The following HIPK2 variants were observed in gnomAD, a reference collection of about 807,000 sequenced individuals.
HIPK2 encodes the protein homeodomain interacting protein kinase 2, also known as homeodomain-interacting protein kinase 2.
In HIPK2, 27 loss-of-function variants were observed where a neutral mutation model predicts 113.7. That is an observed-to-expected ratio of 0.24 (90% CI 0.17 to 0.33). HIPK2 has a LOEUF of 0.33. Among genes scored for constraint, HIPK2 ranks in the 10% least tolerant of loss-of-function variants. The pLI is 1.00. For missense variants in HIPK2, 1,257 were observed against 1,588.0 expected (o/e 0.79, Z 3.54); for synonymous variants, 631 against 642.2 (o/e 0.98, Z 0.26).
chr7:139,593,582 G>C (rs926007452), intron 12 of HIPK2, among the ~76,000 whole-genome samples: 2 of 152,216 alleles, frequency 1.3e-5, no homozygotes, highest in Non-Finnish European at 2.9e-5. Flanking sequence ...AAGCCCCTTT[G>C]GTGGTGGAGG....
rs969388040 is a variant in HIPK2, at chr7:139,714,222, C to T, written c.1103+1710G>A. ...CTCAGGGCAGGGCAGAGAAGAGGCT[C>T]GCAGAGAGCTGTTCTAACTCAGGAA... On this transcript the variant is annotated intron_variant, in intron 2 of 14. Coordinates refer to ENST00000406875, the MANE Select transcript of HIPK2 (RefSeq NM_022740.5). The surrounding 1 kb of genome is among the most constrained non-coding windows in gnomAD (Gnocchi z 4.2). Among the ~76,000 whole-genome samples, 1 of 152,154 alleles carries T rather than the reference C, an allele frequency of 6.6e-6. No homozygotes were observed. The highest frequency in any genetic ancestry group is 2.4e-5 in the African/African-American group (1 of 41,430).
chr7:139,755,066 T>C (rs953948851), intron 1 of HIPK2, among the ~76,000 whole-genome samples: 1 of 152,228 alleles, frequency 6.6e-6, no homozygotes, highest in African/African-American at 2.4e-5. Flanking sequence ...ATGCACATCC[T>C]GGTCAGTTTA....
At chr7:139,735,390 G>T (rs1331775050) in intron 1 of HIPK2, among the ~76,000 whole-genome samples, 1 of 152,140 alleles carries the variant, frequency 6.6e-6, no homozygotes, top group East Asian at 1.9e-4. Context: ...GCCTTTTATA[G>T]AATTAGTTAG....
chr7:139,745,720 A>C (rs1585449600), intron 1 of HIPK2, among the ~76,000 whole-genome samples: 2 of 148,296 alleles, frequency 1.3e-5, no homozygotes, highest in African/African-American at 2.5e-5. Context: ...CACCCCCCTC[A>C]CCCCCCAACT....
At position 139,658,729 on chromosome 7, in the gene HIPK2, A is replaced by ATTACAACTGCTTTT. The variant is rs1801760649; in HGVS notation, c.1104-27005_1104-27004insAAAAGCAGTTGTAA. On this transcript the variant is annotated intron_variant, in intron 2 of 14. Coordinates refer to ENST00000406875, the MANE Select transcript of HIPK2 (RefSeq NM_022740.5). The stretch of plus-strand genomic sequence containing the variant: ...GATAAGATCTTGTTTTGTACATCCT[A>ATTACAACTGCTTTT]ATTCTGAGTGCCCTTTTATTACAAC... Among the ~76,000 whole-genome samples the ATTACAACTGCTTTT allele has an allele frequency of 1.1e-4, 16 of 152,244 alleles. No homozygotes were observed. The South Asian group carries it at 3.3e-3, about 32-fold the overall frequency.
At chr7:139,774,779 C>T (rs1045695205) in intron 1 of HIPK2, among the ~76,000 whole-genome samples, 9 of 152,260 alleles carry the variant, frequency 5.9e-5, no homozygotes, top group Middle Eastern at 3.4e-3. Context: ...GAAAAAGCCT[C>T]GCAAAGCAAG....
At chr7:139,621,810 C>A (rs182044950) in intron 6 of HIPK2, among the ~76,000 whole-genome samples, 1 of 151,142 alleles carries the variant, frequency 6.6e-6, no homozygotes, top group Admixed American at 6.6e-5. Context: ...ATGGTCCCAG[C>A]TACTTAGGAG....
chr7:139,708,851 C>A (rs1225961752), intron 2 of HIPK2, among the ~76,000 whole-genome samples: 1 of 152,112 alleles, frequency 6.6e-6, no homozygotes, highest in African/African-American at 2.4e-5. Flanking sequence ...ATAAGCACAC[C>A]TGTGCCTGCA....
intron 6 of HIPK2, among the ~76,000 whole-genome samples, chr7:139,624,812 A>C (rs1477301903): frequency 2.6e-5 from 4 of 152,112 alleles, no homozygotes; most frequent in Non-Finnish European, 5.9e-5. Flanking sequence ...ACCTGGACAA[A>C]CCTAGATCAG....
chr7:139,659,442 C>CG (rs71868279), intron 2 of HIPK2, among the ~76,000 whole-genome samples: 38,849 of 152,094 alleles, frequency 0.26, 5,343 homozygotes, highest in African/African-American at 0.37. Flanking sequence ...CCCTGAGCCG[C>CG]GGGGTCAGAT....
intron 7 of HIPK2, among the ~76,000 whole-genome samples, chr7:139,619,193 C>T (rs191745259): frequency 9.9e-5 from 15 of 152,148 alleles, no homozygotes; most frequent in Non-Finnish European, 1.5e-4. Flanking sequence ...GGAAGGGGAG[C>T]GGCTGAAAAG....
At chr7:139,620,633 G>T in intron 6 of HIPK2, 70 bp from the exon 7 acceptor site, 1 of 1,565,584 alleles carries the variant, frequency 6.4e-7, no homozygotes, top group Non-Finnish European at 8.7e-7. Flanking sequence ...GGGATGAAGG[G>T]GAGAAAACAA....
intron 6 of HIPK2, among the ~76,000 whole-genome samples, chr7:139,621,774 T>G (rs900902600): frequency 6.6e-6 from 1 of 151,760 alleles, no homozygotes; most frequent in Admixed American, 6.6e-5. Flanking sequence ...AATATAAAAA[T>G]TAGCTGGCTG....
Position 139,620,501 on chromosome 7 carries a change from A to C in HIPK2, c.1682T>G (p.Val561Gly). The C allele has an allele frequency of 6.2e-7, 1 of 1,614,078 alleles. No homozygotes were observed. The highest frequency in any genetic ancestry group is 8.5e-7 in the Non-Finnish European group (1 of 1,180,020). The change falls in exon 7 of 15, where the codon GTG becomes GGG. Residue 561 changes from valine to glycine, a missense_variant. This residue lies in a region of HIPK2 where 862 missense variants were observed against 1,004.3 expected (regional missense o/e 0.86). Coordinates refer to ENST00000406875, the MANE Select transcript of HIPK2 (RefSeq NM_022740.5). ...CKRRVNMYDT[V>G]NQSKTPFITH... ...GATGAAAGGGGTTTTGCTCTGGTTC[A>C]CCGTGTCATACATATTCACCCGACG... is the stretch of plus-strand genomic sequence containing the variant.
chr7:139,764,355 G>A (rs1446514954), intron 1 of HIPK2, among the ~76,000 whole-genome samples: 1 of 152,132 alleles, frequency 6.6e-6, no homozygotes, highest in Non-Finnish European at 1.5e-5. Context: ...TGTTCCTGGC[G>A]ACTTTAGAGA....
intron 6 of HIPK2, among the ~76,000 whole-genome samples, chr7:139,624,609 C>G (rs936531605): frequency 1.3e-5 from 2 of 152,224 alleles, no homozygotes; most frequent in African/African-American, 4.8e-5. Context: ...GCTCATTCCA[C>G]TATGACTATG....
chr7:139,626,345 C>T (rs1032645995), intron 6 of HIPK2, among the ~76,000 whole-genome samples: 6 of 151,992 alleles, frequency 3.9e-5, no homozygotes, highest in Non-Finnish European at 8.8e-5. Flanking sequence ...TCAGGTGATC[C>T]ACCTGCCTGG....
At position 139,573,365 on chromosome 7, in the gene HIPK2, C is replaced by A. The variant is rs1798375393; in HGVS notation, c.3159G>T (p.Gly1053=). The change falls in exon 15 of 15, where the codon GGG becomes GGT. Residue 1053 remains glycine, a synonymous_variant. Coordinates refer to ENST00000406875, the MANE Select transcript of HIPK2 (RefSeq NM_022740.5). Reference sequence around the variant, plus strand: ...TGTAGGCCTGCTGCCTTCGGTGGCTCCCAGTGCGGTCCGTGGTGATGTGCT... The same window carrying A: ...TGTAGGCCTGCTGCCTTCGGTGGCTACCAGTGCGGTCCGTGGTGATGTGCT... ...AQQHITTDRT[G]SHRRQQAYIT... The A allele has an allele frequency of 2.5e-6, 4 of 1,604,620 alleles. No individual in the cohort carries two copies. Among genetic ancestry groups the A allele is most frequent in the Non-Finnish European group, 2.5e-6 (3 of 1,179,774 alleles).
intron 1 of HIPK2, among the ~76,000 whole-genome samples, chr7:139,741,591 C>A (rs938096562): frequency 4.6e-5 from 7 of 152,194 alleles, no homozygotes; most frequent in Non-Finnish European, 8.8e-5. Context: ...ATATGTCCTA[C>A]CAGTGCACAG....
Sources: allele counts gnomAD v4.1 joint callset (sites outside exome capture counted in the v4.1 genomes callset), GRCh38; gene constraint gnomAD v4.1.1; regional missense constraint gnomAD v4.1.1; non-coding constraint Gnocchi (gnomAD v3.1); transcripts MANE v1.5; gene names NCBI Gene and HGNC (gene_info 2026-07-23, HGNC 2026-07-21).